The following SOX6 variants were observed in gnomAD, a reference collection of about 807,000 sequenced individuals.
SOX6 encodes the protein transcription factor SOX-6.
A neutral mutation model predicts 97.8 loss-of-function variants in SOX6; 11 were observed. The ratio of observed to expected loss-of-function variants is 0.11; its 90% CI spans 0.07 to 0.19. The LOEUF is 0.19. Among genes scored for constraint, SOX6 ranks in the 10% least tolerant of loss-of-function variants. The pLI, the probability that SOX6 is intolerant of heterozygous loss-of-function variation, is 1.00. For synonymous variants in SOX6, 360 were observed against 371.4 expected, an observed-to-expected ratio of 0.97 and a Z score of 0.35; for missense variants, 810 against 1,039.5, an observed-to-expected ratio of 0.78 and a Z score of 3.04.
chr11:16,333,053 G>C (rs1335020216), intron 2 of SOX6, among the ~76,000 whole-genome samples: 1 of 152,152 alleles, frequency 6.6e-6, no homozygotes, highest in Admixed American at 6.6e-5. Flanking sequence ...AATAACGAGA[G>C]ACAGCCCTTT....
intron 4 of SOX6, among the ~76,000 whole-genome samples, chr11:16,506,799 C>A (rs1449441248): frequency 1.3e-5 from 2 of 152,110 alleles, no homozygotes; most frequent in South Asian, 2.1e-4. Context: ...CATGGTAGCT[C>A]ACACCCATAA....
intron 2 of SOX6, among the ~76,000 whole-genome samples, chr11:16,728,145 G>A (rs919766019): frequency 2.0e-5 from 3 of 152,146 alleles, no homozygotes; most frequent in African/African-American, 7.2e-5. Context: ...GGGGGAAGGG[G>A]CACCTGTGGG....
chr11:16,084,926 C>A (rs1292346272), intron 9 of SOX6, among the ~76,000 whole-genome samples: 1 of 152,148 alleles, frequency 6.6e-6, no homozygotes, highest in Non-Finnish European at 1.5e-5. Flanking sequence ...TTTTGTTCTG[C>A]ATTTAAGAAA....
chr11:16,457,944 C>T (rs1288713272), intron 1 of SOX6, among the ~76,000 whole-genome samples: 2 of 151,934 alleles, frequency 1.3e-5, no homozygotes, highest in African/African-American at 2.4e-5. Context: ...CAATATATCT[C>T]TTCCACTATA....
At chr11:16,502,829 T>C (rs920920135) in intron 4 of SOX6, among the ~76,000 whole-genome samples, 1 of 152,028 alleles carries the variant, frequency 6.6e-6, no homozygotes, top group East Asian at 1.9e-4. Flanking sequence ...ACTCCCCACA[T>C]CTAGCAAGAG....
intron 3 of SOX6, among the ~76,000 whole-genome samples, chr11:16,288,506 A>G (rs1449236027): frequency 6.6e-6 from 1 of 152,074 alleles, no homozygotes; most frequent in East Asian, 1.9e-4. Context: ...GAAAGCAGAT[A>G]TGTTCTAAAG....
At chr11:16,615,093 T>C (rs1376519974) in intron 3 of SOX6, among the ~76,000 whole-genome samples, 1 of 152,186 alleles carries the variant, frequency 6.6e-6, no homozygotes, top group Non-Finnish European at 1.5e-5. Flanking sequence ...CAAATTAACA[T>C]TGGATAGCTC....
upstream of SOX6, among the ~76,000 whole-genome samples, chr11:16,476,979 T>C (rs1213955102): frequency 2.0e-5 from 3 of 152,232 alleles, no homozygotes; most frequent in Non-Finnish European, 2.9e-5. Context: ...CACACAGAGC[T>C]AGCCTTATAC....
chr11:16,265,170 T>G (rs1179448961), intron 3 of SOX6, among the ~76,000 whole-genome samples: 3 of 151,760 alleles, frequency 2.0e-5, no homozygotes, highest in Non-Finnish European at 4.4e-5. Flanking sequence ...GTCCCTTGAG[T>G]GCTCTACTGA....
chr11:16,386,835 T>C lies in SOX6; in HGVS notation c.-4-45583A>G, dbSNP rs536121364. Among the ~76,000 whole-genome samples the C allele has an allele frequency of 1.3e-3, 192 of 152,232 alleles. 1 individual carries two copies. Among genetic ancestry groups the C allele is most frequent in the African/African-American group, 4.3e-3 (179 of 41,564 alleles). Reference sequence around the variant, plus strand: ...TATTTATTTAATGCCTTCCTCTTATTTGGAGTGTAAACTAGAGAAAGGTAC... The same window carrying C: ...TATTTATTTAATGCCTTCCTCTTATCTGGAGTGTAAACTAGAGAAAGGTAC... On this transcript the variant is annotated intron_variant, in intron 1 of 15. Coordinates refer to the SOX6 transcript ENST00000396356.
intron 1 of SOX6, among the ~76,000 whole-genome samples, chr11:16,440,786 A>T (rs550349476): frequency 6.6e-6 from 1 of 152,276 alleles, no homozygotes; most frequent in African/African-American, 2.4e-5. Context: ...TAAGAAGTAA[A>T]ACAGAAGAGT....
chr11:16,322,922 G>A (rs1364682014), intron 2 of SOX6, among the ~76,000 whole-genome samples: 1 of 152,088 alleles, frequency 6.6e-6, no homozygotes, highest in African/African-American at 2.4e-5. Flanking sequence ...CTCTTCTTTT[G>A]ATTTTTCTTT....
At chr11:16,251,662 T>G (rs10832573) in intron 3 of SOX6, among the ~76,000 whole-genome samples, 1 of 151,972 alleles carries the variant, frequency 6.6e-6, no homozygotes, top group African/African-American at 2.4e-5. Context: ...CAAACATTCA[T>G]GGAGGAAATA....
intron 4 of SOX6, among the ~76,000 whole-genome samples, chr11:16,573,968 G>T (rs7932293): frequency 0.98 from 149,330 of 152,232 alleles, 73,316 homozygotes; most frequent in East Asian, 1. Context: ...ATAAGCTTTA[G>T]TGGGAGATGT....
At chr11:16,095,158 T>G (rs561515092) in intron 9 of SOX6, among the ~76,000 whole-genome samples, 5 of 152,046 alleles carry the variant, frequency 3.3e-5, no homozygotes, top group African/African-American at 1.2e-4. Context: ...AGAATTAAAG[T>G]GTGTTTCAGT....
intron 4 of SOX6, among the ~76,000 whole-genome samples, chr11:16,491,593 A>G (rs2133132970): frequency 6.6e-6 from 1 of 152,204 alleles, no homozygotes; most frequent in African/African-American, 2.4e-5. Context: ...CCAAACATCT[A>G]AGAAAAGACA....
intron 15 of SOX6, among the ~76,000 whole-genome samples, chr11:15,978,759 T>C (rs1214417250): frequency 7.2e-6 from 1 of 139,362 alleles, no homozygotes; most frequent in Non-Finnish European, 1.5e-5. Flanking sequence ...TATATATGAG[T>C]CTAGAATTTA....
chr11:16,135,273 C>A (rs1353702437), intron 6 of SOX6, among the ~76,000 whole-genome samples: 1 of 152,180 alleles, frequency 6.6e-6, no homozygotes. Flanking sequence ...GCTAACCCAA[C>A]ACTCATTTTG....
At chr11:16,519,053 A>G (rs1458450292) in intron 4 of SOX6, among the ~76,000 whole-genome samples, 2 of 152,178 alleles carry the variant, frequency 1.3e-5, no homozygotes, top group East Asian at 3.9e-4. Flanking sequence ...TTCTTCTGAA[A>G]GCAAAGCGCT....
Sources: gnomAD v4.1 joint callset for allele counts (sites outside exome capture counted in the v4.1 genomes callset) on GRCh38, gnomAD v4.1.1 for gene constraint, MANE v1.5 for transcripts, NCBI Gene and HGNC (gene_info 2026-07-23, HGNC 2026-07-21) for gene names.